The following LHCGR variants were observed in gnomAD, a reference collection of about 807,000 sequenced individuals.
LHCGR encodes lutropin-choriogonadotropic hormone receptor.
LHCGR carries 55 observed loss-of-function variants against 60.7 expected under a neutral mutation model. The ratio of observed to expected loss-of-function variants is 0.91; its 90% CI spans 0.73 to 1.13. LHCGR has a LOEUF of 1.13. Among genes scored for constraint, LHCGR ranks in the 50% most tolerant of loss-of-function variants. LHCGR has a pLI of 0.00. For missense variants in LHCGR, 862 were observed against 836.0 expected (o/e 1.03, Z -0.38); for synonymous variants, 337 against 316.5 (o/e 1.06, Z -0.69).
intron 8 of LHCGR, among the ~76,000 whole-genome samples, chr2:48,702,831 C>T (rs768264093): frequency 2.6e-5 from 4 of 152,146 alleles, no homozygotes; most frequent in Admixed American, 6.5e-5. Context: ...GTTCTAGATC[C>T]TTGAGGAATC....
In LHCGR at chr2:48,698,601, T is replaced by C. The variant is rs1190943811; in HGVS notation, c.866+14A>G. ...CACAGCTTGGGTAGGCTTTACCTTT[T>C]GGTTTCTACTTACTCTTTTGTTGGC... is the stretch of plus-strand genomic sequence containing the variant. On this transcript the variant is annotated intron_variant, in intron 9 of 10. Coordinates refer to ENST00000294954, the MANE Select transcript of LHCGR (RefSeq NM_000233.4). 2 of 1,610,174 alleles carry C rather than the reference T, an allele frequency of 1.2e-6. No individual in the cohort carries two copies. The highest frequency in any genetic ancestry group is 1.3e-5 in the African/African-American group (1 of 74,860).
intron 8 of LHCGR, among the ~76,000 whole-genome samples, chr2:48,699,925 T>C (rs1667325099): frequency 6.6e-6 from 1 of 152,228 alleles, no homozygotes; most frequent in African/African-American, 2.4e-5. Context: ...TGCTGGTGCC[T>C]CACAAAACTT....
intron 7 of LHCGR, among the ~76,000 whole-genome samples, chr2:48,711,036 C>T (rs1247530484): frequency 6.6e-6 from 1 of 152,106 alleles, no homozygotes; most frequent in African/African-American, 2.4e-5. Context: ...ACACTGGCCT[C>T]CCCTCAATTC....
intron 7 of LHCGR, 104 bp downstream of exon 7, chr2:48,713,882 G>A (rs2104431201): frequency 1.1e-6 from 1 of 936,352 alleles, no homozygotes; most frequent in East Asian, 2.6e-5. Context: ...CCACTTGAAA[G>A]TTTATTTTTG....
chr2:48,688,272 T>C lies in LHCGR; in HGVS notation c.1525A>G (p.Met509Val), dbSNP rs1000427399. 6.2e-7 allele frequency: 1 copy of C among 1,614,104 alleles called. No homozygotes were observed. The highest frequency in any genetic ancestry group is 8.5e-7 in the Non-Finnish European group (1 of 1,179,972). Residue 509 changes from methionine to valine, a missense_variant, in exon 11 of 11, where the codon ATG becomes GTG. Coordinates refer to ENST00000294954, the MANE Select transcript of LHCGR (RefSeq NM_000233.4). This position sits in a 1 kb window ranked among gnomAD's most constrained non-coding sequence, Gnocchi z 5.2. ...ATGGGGAAGCAAATACTGACCTTCA[T>C]GTAATTGCTGACACCGACAAGGGGC... ...MLPLVGVSNYMKVSICFPMDV... is the reference protein window; with the variant it reads ...MLPLVGVSNYVKVSICFPMDV...
At chr2:48,720,144 A>G (rs946183053) in intron 6 of LHCGR, 2 of 152,178 alleles carry the variant, frequency 1.3e-5, no homozygotes, top group African/African-American at 4.8e-5. Context: ...ATCATGAGCA[A>G]CATAAGTTAA....
chr2:48,747,289 A>C (rs1407449546), intron 1 of LHCGR, among the ~76,000 whole-genome samples: 2 of 152,010 alleles, frequency 1.3e-5, no homozygotes, highest in Admixed American at 1.3e-4. Flanking sequence ...ACAAGGTTTC[A>C]CCATGTTGGC....
chr2:48,709,124 A>G (rs970315582), intron 7 of LHCGR, 102 bp from the exon 8 acceptor site: 2 of 873,060 alleles, frequency 2.3e-6, no homozygotes, highest in South Asian at 1.3e-5. Flanking sequence ...CATGATGTAT[A>G]GGGTTAAAAG....
At chr2:48,736,277 G>C (rs1394108834) in intron 1 of LHCGR, among the ~76,000 whole-genome samples, 1 of 152,110 alleles carries the variant, frequency 6.6e-6, no homozygotes, top group Non-Finnish European at 1.5e-5. Flanking sequence ...ACAATGTATA[G>C]AATAAAGGCC....
chr2:48,687,579 A>C lies in LHCGR; in HGVS notation c.*118T>G. The C allele has an allele frequency of 1.2e-6, 1 of 819,696 alleles. No individual in the cohort carries two copies. The highest frequency in any genetic ancestry group is 2.0e-6 in the Non-Finnish European group (1 of 500,472). The allele number at this position is 819,696 out of a possible 1,614,324, so 50.8% of individuals were successfully genotyped here. On this transcript the variant is annotated 3_prime_UTR_variant, in exon 11 of 11. Coordinates refer to ENST00000294954, the MANE Select transcript of LHCGR (RefSeq NM_000233.4). ...CTACTAGGTAGAGGTCTCTTGCCTA[A>C]TGTACCTAAAAATAAATAATTTCCT...
chr2:48,706,894 A>G (rs1667710635), intron 8 of LHCGR, among the ~76,000 whole-genome samples: 1 of 152,144 alleles, frequency 6.6e-6, no homozygotes, highest in Non-Finnish European at 1.5e-5. Context: ...TACTTCTGTC[A>G]GCTCATCAAA....
intron 8 of LHCGR, among the ~76,000 whole-genome samples, chr2:48,700,715 T>G (rs1403509750): frequency 6.6e-6 from 1 of 152,170 alleles, no homozygotes; most frequent in Non-Finnish European, 1.5e-5. Flanking sequence ...TGGTATGCTT[T>G]GCATATGAGA....
chr2:48,691,301 C>A (rs937605531), intron 10 of LHCGR, among the ~76,000 whole-genome samples: 1 of 152,166 alleles, frequency 6.6e-6, no homozygotes, highest in Admixed American at 6.5e-5. Flanking sequence ...AGGGAAAGAA[C>A]ACAGATTTTT....
In LHCGR at chr2:48,688,116, T is replaced by A; in HGVS notation, c.1681A>T (p.Thr561Ser). Residue 561 changes from threonine to serine, a missense_variant, in exon 11 of 11, where the codon ACC becomes TCC. Thr to Ser is a moderately conservative substitution (Grantham distance 58). Coordinates refer to ENST00000294954, the MANE Select transcript of LHCGR (RefSeq NM_000233.4). The surrounding 1 kb of genome is among the most constrained non-coding windows in gnomAD (Gnocchi z 5.2). The stretch of plus-strand genomic sequence containing the variant: ...TTAGCAATCTTTGTATCTTTATTGG[T>A]AGCCATTAATTCTGGGTTTCGAACT... ...FAVRNPELMA[T>S]NKDTKIAKKM... 1 of 1,614,182 alleles carries A rather than the reference T, an allele frequency of 6.2e-7. No individual in the cohort carries two copies. The highest frequency in any genetic ancestry group is 8.5e-7 in the Non-Finnish European group (1 of 1,180,030).
intron 6 of LHCGR, among the ~76,000 whole-genome samples, chr2:48,722,879 A>C (rs575252316): frequency 6.6e-6 from 1 of 152,328 alleles, no homozygotes; most frequent in African/African-American, 2.4e-5. Flanking sequence ...AGGAAACACC[A>C]TGAAAGGGAT....
intron 1 of LHCGR, among the ~76,000 whole-genome samples, chr2:48,739,500 A>C (rs1350915056): frequency 6.6e-6 from 1 of 151,526 alleles, no homozygotes; most frequent in Non-Finnish European, 1.5e-5. Context: ...TGATGAGTTC[A>C]TGTCCTTTGT....
At chr2:48,753,368 G>T (rs4465809) in intron 1 of LHCGR, among the ~76,000 whole-genome samples, 58,689 of 152,022 alleles carry the variant, frequency 0.39, 12,293 homozygotes, top group Non-Finnish European at 0.49. Flanking sequence ...GGCCTGCATA[G>T]GCTCAACCTC....
chr2:48,749,733 A>T (rs1001872740), intron 1 of LHCGR, among the ~76,000 whole-genome samples: 15 of 151,572 alleles, frequency 9.9e-5, no homozygotes, highest in African/African-American at 3.6e-4. Flanking sequence ...AAAAAAAAAA[A>T]AAAAAGAAGA....
chr2:48,688,364 A>T lies in LHCGR; in HGVS notation c.1433T>A (p.Leu478Gln). The T allele has an allele frequency of 6.2e-7, 1 of 1,614,190 alleles. No individual in the cohort carries two copies. Among genetic ancestry groups the T allele is most frequent in the South Asian group, 1.1e-5 (1 of 91,080 alleles). Residue 478 changes from leucine to glutamine, a missense_variant, in exon 11 of 11, where the codon CTG (leucine) becomes CAG (glutamine). Leu to Gln is a moderately radical substitution (Grantham distance 113). Transcript: ENST00000294954. The surrounding 1 kb of genome is among the most constrained non-coding windows in gnomAD (Gnocchi z 5.2). Reference sequence around the variant, plus strand: ...AATCAGAATGGCATGTCTTAATCGCAGCTTTTGGTCCAGGTGAATAGCATA... The same window carrying T: ...AATCAGAATGGCATGTCTTAATCGCTGCTTTTGGTCCAGGTGAATAGCATA... Reference protein sequence around the residue: ...ITYAIHLDQKLRLRHAILIML... With the variant: ...ITYAIHLDQKQRLRHAILIML...
Sources: gnomAD v4.1 joint callset for allele counts (sites outside exome capture counted in the v4.1 genomes callset) on GRCh38, gnomAD v4.1.1 for gene constraint, Gnocchi (gnomAD v3.1) non-coding constraint, MANE v1.5 for transcripts, NCBI Gene and HGNC (gene_info 2026-07-23, HGNC 2026-07-21) for gene names.